CDH2: variants seen among roughly 807,000 people sequenced by gnomAD.
The protein encoded by CDH2 is cadherin 2, also known as cadherin-2.
A neutral mutation model predicts 92.0 loss-of-function variants in CDH2; 17 were observed. The ratio of observed to expected loss-of-function variants is 0.18; its 90% CI spans 0.13 to 0.28. The LOEUF is 0.28. Ranked by LOEUF, CDH2 falls within the 10% of genes least tolerant of loss-of-function variation. The pLI is 1.00. For missense variants in CDH2, 862 were observed against 1,133.1 expected, an observed-to-expected ratio of 0.76 and a Z score of 3.44; for synonymous variants, 419 against 415.9, an observed-to-expected ratio of 1.01 and a Z score of -0.09.
rs187415364 is a variant in CDH2 at position 27,967,784 on chromosome 18, T to C, written c.2350-4263A>G. Among the ~76,000 whole-genome samples the C allele has an allele frequency of 1.2e-4, 18 of 152,346 alleles. No homozygotes were observed. In the East Asian group the frequency reaches 1.7e-3, roughly 15 times the overall value. On this transcript the variant is annotated intron_variant, in intron 14 of 15. Coordinates refer to ENST00000269141, the MANE Select transcript of CDH2 (RefSeq NM_001792.5). Reference sequence around the variant, plus strand: ...GATTTAAAATGTCTTAAGGGCGATATAGTTCTGGGGGAGTTAGTAAGAAGT... The same window carrying C: ...GATTTAAAATGTCTTAAGGGCGATACAGTTCTGGGGGAGTTAGTAAGAAGT...
chr18:28,090,006 A>T (rs1191735231), intron 2 of CDH2, among the ~76,000 whole-genome samples: 1 of 152,246 alleles, frequency 6.6e-6, no homozygotes, highest in Non-Finnish European at 1.5e-5. Context: ...CACTGATGAG[A>T]AACTAAAGTG....
At chr18:28,140,975 A>C (rs932966047) in intron 2 of CDH2, among the ~76,000 whole-genome samples, 1 of 151,430 alleles carries the variant, frequency 6.6e-6, no homozygotes, top group Non-Finnish European at 1.5e-5. Flanking sequence ...ACAATGAGGT[A>C]CCATTTCACA....
chr18:27,997,997 G>A (rs535762502), intron 7 of CDH2, among the ~76,000 whole-genome samples: 3 of 152,090 alleles, frequency 2.0e-5, no homozygotes, highest in South Asian at 2.1e-4. Flanking sequence ...TAGTAGGGAT[G>A]GGGTTTCACC....
intron 3 of CDH2, among the ~76,000 whole-genome samples, chr18:28,012,687 C>T (rs1180707831): frequency 1.3e-5 from 2 of 152,140 alleles, no homozygotes; most frequent in African/African-American, 4.8e-5. Flanking sequence ...CTTTTCACTC[C>T]ATTAGTTACT....
intron 14 of CDH2, among the ~76,000 whole-genome samples, chr18:27,982,368 A>T (rs2586577): frequency 0.71 from 108,656 of 152,062 alleles, 39,105 homozygotes; most frequent in East Asian, 0.94. Flanking sequence ...TCTGACATCT[A>T]TTGAATAACC....
chr18:28,071,811 T>A (rs964921581), intron 2 of CDH2, among the ~76,000 whole-genome samples: 1 of 152,128 alleles, frequency 6.6e-6, no homozygotes, highest in South Asian at 2.1e-4. Flanking sequence ...CCAAGTTTGG[T>A]TTCTTTTCAC....
chr18:27,986,078 C>T (rs772555495), intron 11 of CDH2, among the ~76,000 whole-genome samples: 5 of 152,140 alleles, frequency 3.3e-5, no homozygotes, highest in Non-Finnish European at 7.3e-5. Flanking sequence ...CATGCTCCTC[C>T]AGGCACTGTG....
chr18:27,999,359 G>A (rs543205703), intron 7 of CDH2, among the ~76,000 whole-genome samples: 2 of 152,184 alleles, frequency 1.3e-5, no homozygotes, highest in African/African-American at 2.4e-5. Context: ...CTACCACAGT[G>A]GAGACCCAGC....
intron 2 of CDH2, chr18:28,146,682 G>A (rs974491271): frequency 6.6e-6 from 1 of 152,068 alleles, no homozygotes; most frequent in African/African-American, 2.4e-5. Context: ...TCTGTCTATG[G>A]TATTCTTAAG....
intron 2 of CDH2, among the ~76,000 whole-genome samples, chr18:28,049,028 C>T (rs1036738342): frequency 1.3e-5 from 2 of 152,110 alleles, no homozygotes; most frequent in Non-Finnish European, 2.9e-5. Context: ...TATTTCATTC[C>T]GTGAACCTAA....
intron 2 of CDH2, among the ~76,000 whole-genome samples, chr18:28,057,666 CAAA>C (rs879732697): frequency 3.1e-5 from 3 of 98,090 alleles, no homozygotes; most frequent in African/African-American, 3.7e-5. Context: ...GACTCTGTCT[CAAA>C]AAAAAAAAAA....
chr18:28,085,660 C>T (rs1384115827), intron 2 of CDH2, among the ~76,000 whole-genome samples: 1 of 152,126 alleles, frequency 6.6e-6, no homozygotes, highest in Non-Finnish European at 1.5e-5. Flanking sequence ...CTGACATTGT[C>T]ATGTCCATAA....
rs17535629 is a variant in CDH2 at position 28,051,225 on chromosome 18, C to T, written c.173-37316G>A. Reference sequence around the variant, plus strand: ...ATATTTCCTAGTACCTCAGGGTAGTCGGGATTTCTCTATTTTATAGTAGTG... The same window carrying T: ...ATATTTCCTAGTACCTCAGGGTAGTTGGGATTTCTCTATTTTATAGTAGTG... On this transcript the variant is annotated intron_variant, in intron 2 of 15. Transcript: ENST00000269141. 2.8e-3 allele frequency among the ~76,000 whole-genome samples: 424 copies of T among 152,172 alleles called. 2 individuals are homozygous for T. The highest frequency in any genetic ancestry group is 9.7e-3 in the African/African-American group (403 of 41,526).
At chr18:28,157,428 T>C (rs547985771) in intron 1 of CDH2, among the ~76,000 whole-genome samples, 45 of 152,302 alleles carry the variant, frequency 3.0e-4, no homozygotes, top group Admixed American at 8.5e-4. Flanking sequence ...GTCCTCACAA[T>C]AACCCTATGA....
chr18:27,983,716 A>T (rs898928797), intron 13 of CDH2, among the ~76,000 whole-genome samples: 2 of 152,216 alleles, frequency 1.3e-5, no homozygotes, highest in African/African-American at 4.8e-5. Flanking sequence ...CAGGTCTAGA[A>T]CCATAAATTT....
chr18:27,944,908 C>A (rs532096330), intron 6 of CDH2, among the ~76,000 whole-genome samples: 1 of 152,094 alleles, frequency 6.6e-6, no homozygotes, highest in Non-Finnish European at 1.5e-5. Context: ...CACAGCAAGA[C>A]CCTGTCTAAA....
chr18:28,013,582 G>C, intron 3 of CDH2, 101 bp downstream of exon 3: 1 of 787,702 alleles, frequency 1.3e-6, no homozygotes, highest in East Asian at 2.4e-5. Context: ...AATGCAAATA[G>C]TGGCCATCCA....
chr18:28,135,729 T>C (rs1010141949), intron 2 of CDH2, among the ~76,000 whole-genome samples: 8 of 152,144 alleles, frequency 5.3e-5, no homozygotes, highest in African/African-American at 1.9e-4. Flanking sequence ...AAGGTGAAAA[T>C]CTGAAAGATT....
chr18:27,942,511 A>G (rs1598976875), intron 6 of CDH2, among the ~76,000 whole-genome samples: 1 of 152,314 alleles, frequency 6.6e-6, no homozygotes, highest in Middle Eastern at 3.4e-3. Context: ...GGAGAATCAT[A>G]CCAGTCTGTA....
Sources: allele counts gnomAD v4.1 joint callset (sites outside exome capture counted in the v4.1 genomes callset), GRCh38; gene constraint gnomAD v4.1.1; transcripts MANE v1.5; gene names NCBI Gene and HGNC (gene_info 2026-07-23, HGNC 2026-07-21).